Variants in MNAT1 observed in about 807,000 individuals in gnomAD.
MNAT1 encodes the protein CDK-activating kinase assembly factor MAT1.
A neutral mutation model predicts 42.0 loss-of-function variants in MNAT1; 43 were observed. The ratio of observed to expected loss-of-function variants is 1.02; its 90% CI spans 0.80 to 1.32. MNAT1 has a LOEUF of 1.32. MNAT1 is among the 40% of genes most tolerant of loss of function. The pLI, the probability that MNAT1 is intolerant of heterozygous loss-of-function variation, is 0.00. For missense variants in MNAT1, 306 were observed against 350.4 expected (o/e 0.87, Z 1.01); for synonymous variants, 118 against 120.0 (o/e 0.98, Z 0.11).
chr14:60,906,198 T>C (rs2035194385), intron 7 of MNAT1, among the ~76,000 whole-genome samples: 1 of 152,046 alleles, frequency 6.6e-6, no homozygotes, highest in Non-Finnish European at 1.5e-5. Context: ...GGAGTAAATA[T>C]AGGGAATGGT....
At chr14:60,848,150 C>T (rs2033727490) in intron 6 of MNAT1, among the ~76,000 whole-genome samples, 1 of 152,118 alleles carries the variant, frequency 6.6e-6, no homozygotes, top group African/African-American at 2.4e-5. Context: ...TATTCTGCCT[C>T]AGTTTTGTAG....
At chr14:60,799,325 A>G (rs1001862882) in intron 3 of MNAT1, 34 of 985,248 alleles carry the variant, frequency 3.5e-5, no homozygotes, top group Non-Finnish European at 4.0e-5. Flanking sequence ...GGCAAAGTGG[A>G]AAAGTTAGAA....
At chr14:60,774,349 A>G (rs1378293177) in intron 1 of MNAT1, among the ~76,000 whole-genome samples, 1 of 152,158 alleles carries the variant, frequency 6.6e-6, no homozygotes, top group Non-Finnish European at 1.5e-5. Flanking sequence ...GGCATGTTGG[A>G]AGGAAAGAAA....
chr14:60,941,290 TG>T (rs1256701289), intron 7 of MNAT1, among the ~76,000 whole-genome samples: 1 of 152,244 alleles, frequency 6.6e-6, no homozygotes, highest in African/African-American at 2.4e-5. Context: ...AATGAATTTA[TG>T]GTCAATACTA....
chr14:60,917,655 C>T (rs1406100665), intron 7 of MNAT1, among the ~76,000 whole-genome samples: 6 of 149,506 alleles, frequency 4.0e-5, no homozygotes, highest in African/African-American at 1.2e-4. Flanking sequence ...TGGAGTCTCA[C>T]TTTTTTGCCC....
intron 1 of MNAT1, among the ~76,000 whole-genome samples, chr14:60,737,617 C>T (rs577994243): frequency 6.6e-6 from 1 of 152,086 alleles, no homozygotes; most frequent in African/African-American, 2.4e-5. Flanking sequence ...TGTCTTTGAG[C>T]ATTTAGGCCA....
At chr14:60,846,204 G>T (rs1346323899) in intron 6 of MNAT1, among the ~76,000 whole-genome samples, 1 of 147,876 alleles carries the variant, frequency 6.8e-6, no homozygotes, top group Admixed American at 6.8e-5. Context: ...TTGATATTTT[G>T]AGTATTCCTA....
At chr14:60,755,434 G>C (rs2030309087) in intron 1 of MNAT1, among the ~76,000 whole-genome samples, 1 of 152,116 alleles carries the variant, frequency 6.6e-6, no homozygotes, top group South Asian at 2.1e-4. Flanking sequence ...GAGCCACTGT[G>C]CCTGGCCTAA....
At chr14:60,913,300 ATCT>A (rs2035427866) in intron 7 of MNAT1, among the ~76,000 whole-genome samples, 2 of 151,792 alleles carry the variant, frequency 1.3e-5, no homozygotes, top group South Asian at 4.2e-4. Flanking sequence ...GAGTAGTTTG[ATCT>A]TCTGAAGCCT....
intron 7 of MNAT1, among the ~76,000 whole-genome samples, chr14:60,912,554 A>T (rs1278117079): frequency 6.6e-6 from 1 of 152,070 alleles, no homozygotes; most frequent in Non-Finnish European, 1.5e-5. Context: ...TTGTCTATAA[A>T]GGATTTTATT....
chr14:60,775,812 A>G (rs993324414), intron 1 of MNAT1, among the ~76,000 whole-genome samples: 6 of 152,202 alleles, frequency 3.9e-5, no homozygotes, highest in African/African-American at 1.4e-4. Context: ...GATTGAGGTG[A>G]GAATGGGAAA....
chr14:60,780,433 T>G, intron 1 of MNAT1: 2 of 1,552,278 alleles, frequency 1.3e-6, no homozygotes, highest in Non-Finnish European at 1.8e-6. Context: ...GTTCATTTGA[T>G]CTGCTGATTT....
At chr14:60,934,975 AT>A in intron 7 of MNAT1, among the ~76,000 whole-genome samples, 1 of 152,254 alleles carries the variant, frequency 6.6e-6, no homozygotes, top group Non-Finnish European at 1.5e-5. Context: ...AGTGAAGTAG[AT>A]TTTCTGTACC....
At chr14:60,810,945 C>T (rs556796610) in intron 4 of MNAT1, among the ~76,000 whole-genome samples, 2 of 152,298 alleles carry the variant, frequency 1.3e-5, no homozygotes, top group Admixed American at 6.5e-5. Flanking sequence ...CCATCCATTA[C>T]TGAATGTGAG....
At chr14:60,806,145 A>G (rs2032361203) in intron 3 of MNAT1, among the ~76,000 whole-genome samples, 1 of 152,200 alleles carries the variant, frequency 6.6e-6, no homozygotes, top group Non-Finnish European at 1.5e-5. Context: ...GGAACATTCT[A>G]ATAGGTCAGA....
Position 60,946,122 on chromosome 14 carries a change from G to A in MNAT1, c.810-22107G>A, listed in dbSNP as rs527453886. On this transcript the variant is annotated intron_variant, in intron 7 of 7. Coordinates refer to ENST00000261245, the MANE Select transcript of MNAT1 (RefSeq NM_002431.4). ...CTCAGGGATATTAGACCATCAAATT[G>A]GTCTCCCTCCCTCTTTCAGATTGAG... Among the ~76,000 whole-genome samples the A allele has an allele frequency of 2.6e-5, 4 of 152,048 alleles. No homozygotes were observed. In the East Asian group the frequency reaches 5.8e-4, roughly 22 times the overall value.
intron 7 of MNAT1, among the ~76,000 whole-genome samples, chr14:60,882,798 T>C (rs952099078): frequency 9.9e-5 from 15 of 152,174 alleles, no homozygotes; most frequent in African/African-American, 3.4e-4. Flanking sequence ...TTCTATCTCA[T>C]TGTAGTTTTG....
chr14:60,928,866 G>C (rs2035819755), intron 7 of MNAT1, among the ~76,000 whole-genome samples: 1 of 151,410 alleles, frequency 6.6e-6, no homozygotes, highest in Non-Finnish European at 1.5e-5. Context: ...CTGTGGCTGG[G>C]CACAGTGGCT....
chr14:60,915,206 A>T (rs1389326647), intron 7 of MNAT1, among the ~76,000 whole-genome samples: 1 of 152,158 alleles, frequency 6.6e-6, no homozygotes, highest in Non-Finnish European at 1.5e-5. Context: ...TAACATCATC[A>T]TACTGCAGTT....
Sources: allele counts gnomAD v4.1 joint callset (sites outside exome capture counted in the v4.1 genomes callset), GRCh38; gene constraint gnomAD v4.1.1; transcripts MANE v1.5; gene names NCBI Gene and HGNC (gene_info 2026-07-23, HGNC 2026-07-21).